The following AUTS2 variants were observed in gnomAD, a reference collection of about 807,000 sequenced individuals.
AUTS2 encodes autism susceptibility gene 2 protein.
Under a neutral mutation model 112.4 loss-of-function variants are expected in AUTS2, and 17 were observed. That is an observed-to-expected ratio of 0.15 (90% CI 0.10 to 0.23). The LOEUF (loss-of-function observed/expected upper bound fraction) is 0.23, where lower values mean the gene tolerates loss of function less well. Ranked by LOEUF, AUTS2 falls within the 10% of genes least tolerant of loss-of-function variation. AUTS2 has a pLI of 1.00. For missense variants in AUTS2, 1,510 were observed against 1,701.6 expected (o/e 0.89, Z 1.98); for synonymous variants, 751 against 702.7 (o/e 1.07, Z -1.09).
At chr7:69,957,053 T>TC (rs1411018669) in intron 2 of AUTS2, among the ~76,000 whole-genome samples, 2 of 148,944 alleles carry the variant, frequency 1.3e-5, no homozygotes, top group Admixed American at 6.7e-5. Context: ...GTTCTTTCTT[T>TC]TTTTTTTTTT....
At chr7:70,385,110 A>G (rs954662266) in intron 4 of AUTS2, among the ~76,000 whole-genome samples, 2 of 152,222 alleles carry the variant, frequency 1.3e-5, no homozygotes. Flanking sequence ...TCCATGACTC[A>G]TGTTCTGCAT....
intron 5 of AUTS2, among the ~76,000 whole-genome samples, chr7:70,453,991 A>G (rs983044814): frequency 5.3e-5 from 8 of 152,222 alleles, no homozygotes; most frequent in Non-Finnish European, 1.0e-4. Context: ...GAGAGAAAGG[A>G]AAAGCAAAGA....
At chr7:70,071,795 G>A (rs557606648) in intron 2 of AUTS2, among the ~76,000 whole-genome samples, 7 of 152,188 alleles carry the variant, frequency 4.6e-5, no homozygotes, top group Admixed American at 1.3e-4. Context: ...AGCTAGAGGC[G>A]TTTAGACAAA....
chr7:70,164,718 T>A (rs541496768), intron 4 of AUTS2, among the ~76,000 whole-genome samples: 2 of 152,280 alleles, frequency 1.3e-5, no homozygotes, highest in East Asian at 3.9e-4. Context: ...GTAGATTTAT[T>A]CAGTCCCCCC....
chr7:70,366,387 A>G (rs1322102342), intron 4 of AUTS2, among the ~76,000 whole-genome samples: 1 of 152,200 alleles, frequency 6.6e-6, no homozygotes, highest in Non-Finnish European at 1.5e-5. Flanking sequence ...GTCTCGTTGG[A>G]TGAGTAAAGC....
intron 2 of AUTS2, among the ~76,000 whole-genome samples, chr7:69,988,903 TG>T (rs1798623647): frequency 6.6e-6 from 1 of 152,128 alleles, no homozygotes; most frequent in African/African-American, 2.4e-5. Flanking sequence ...GAGCACTTTT[TG>T]TTGGGGGCAG....
chr7:69,819,552 G>GTTCATGTTGTGCA (rs1406910873), intron 1 of AUTS2, among the ~76,000 whole-genome samples: 1 of 152,212 alleles, frequency 6.6e-6, no homozygotes, highest in Admixed American at 6.5e-5. Flanking sequence ...TGAGCTGCCT[G>GTTCATGTTGTGCA]TGTAAACTAT....
chr7:70,616,844 A>T (rs1804398542), intron 5 of AUTS2, among the ~76,000 whole-genome samples: 1 of 147,898 alleles, frequency 6.8e-6, no homozygotes, highest in African/African-American at 2.5e-5. Flanking sequence ...GGCACTATTG[A>T]TGGAACACGG....
At chr7:70,553,797 TG>T (rs1563036747) in intron 5 of AUTS2, among the ~76,000 whole-genome samples, 12 of 137,390 alleles carry the variant, frequency 8.7e-5, no homozygotes, top group African/African-American at 3.1e-4. Flanking sequence ...GACGGAGTCT[TG>T]CTCTGTCGCC....
chr7:70,487,667 G>C (rs1007865876), intron 5 of AUTS2, among the ~76,000 whole-genome samples: 2 of 152,216 alleles, frequency 1.3e-5, no homozygotes, highest in Non-Finnish European at 2.9e-5. Context: ...GAATAGGAAT[G>C]TGTGTTTGCA....
chr7:70,517,493 G>A (rs1287815896), intron 5 of AUTS2, among the ~76,000 whole-genome samples: 1 of 151,518 alleles, frequency 6.6e-6, no homozygotes, highest in East Asian at 1.9e-4. Flanking sequence ...CTAGAGTTCA[G>A]TGTTTTGGGG....
chr7:70,784,779 A>C (rs1164613399), intron 15 of AUTS2, 163 bp from the exon 16 acceptor site: 10 of 330,706 alleles, frequency 3.0e-5, no homozygotes, highest in East Asian at 1.3e-4. Flanking sequence ...AAAAACACAC[A>C]TTTTCTTTTA....
chr7:69,655,980 A>G (rs1795513152), intron 1 of AUTS2, among the ~76,000 whole-genome samples: 1 of 152,238 alleles, frequency 6.6e-6, no homozygotes, highest in Admixed American at 6.5e-5. Flanking sequence ...AAGCCTTAGC[A>G]ATGCTGCTGA....
chr7:70,654,320 G>A (rs1374102203), intron 5 of AUTS2, among the ~76,000 whole-genome samples: 1 of 152,184 alleles, frequency 6.6e-6, no homozygotes, highest in Non-Finnish European at 1.5e-5. Context: ...AGTCTCTGTA[G>A]CAACTACCCA....
intron 4 of AUTS2, among the ~76,000 whole-genome samples, chr7:70,262,724 G>GTT (rs1787228958): frequency 6.6e-6 from 1 of 152,156 alleles, no homozygotes; most frequent in Non-Finnish European, 1.5e-5. Flanking sequence ...TATGACAAGT[G>GTT]ATCTCTTGAA....
chr7:70,623,762 G>A (rs1347810932), intron 5 of AUTS2, among the ~76,000 whole-genome samples: 1 of 152,224 alleles, frequency 6.6e-6, no homozygotes, highest in Non-Finnish European at 1.5e-5. Context: ...ACTCTGCCAA[G>A]AATGCTGGCC....
chr7:70,699,844 T>C lies in AUTS2; in HGVS notation c.742+1224T>C, dbSNP rs73706410. Among the ~76,000 whole-genome samples, 919 of 152,264 alleles carry C rather than the reference T, an allele frequency of 6.0e-3. 15 individuals are homozygous for C. Among genetic ancestry groups the C allele is most frequent in the African/African-American group, 0.02 (831 of 41,548 alleles). On this transcript the variant is annotated intron_variant, in intron 6 of 18. Transcript: ENST00000342771. ...GTACTCGTGTGTAAAAATGCACAAT[T>C]GTCTACCACTTGGCGTTTCCTTGTG... is the stretch of plus-strand genomic sequence containing the variant.
chr7:70,330,853 A>G (rs923974473), intron 4 of AUTS2, among the ~76,000 whole-genome samples: 18 of 151,786 alleles, frequency 1.2e-4, no homozygotes, highest in African/African-American at 4.1e-4. Flanking sequence ...CTTTTTGGTG[A>G]AATTGTTTCC....
chr7:70,677,677 C>T (rs889565730), intron 5 of AUTS2, among the ~76,000 whole-genome samples: 2 of 152,120 alleles, frequency 1.3e-5, no homozygotes, highest in African/African-American at 4.8e-5. Context: ...CCTGCCTCGG[C>T]CTCCCAAGGT....
Sources: gnomAD v4.1 joint callset for allele counts (sites outside exome capture counted in the v4.1 genomes callset) on GRCh38, gnomAD v4.1.1 for gene constraint, MANE v1.5 for transcripts, NCBI Gene and HGNC (gene_info 2026-07-23, HGNC 2026-07-21) for gene names.